Variants in IL23R observed in about 807,000 individuals in gnomAD.
IL23R encodes interleukin-23 receptor.
A neutral mutation model predicts 56.9 loss-of-function variants in IL23R; 34 were observed. The observed-to-expected ratio is 0.60, with a 90% CI of 0.45 to 0.80. The LOEUF (loss-of-function observed/expected upper bound fraction) is 0.80, where lower values mean the gene tolerates loss of function less well. IL23R is among the 30% of genes least tolerant of loss of function. IL23R has a pLI of 0.00. For synonymous variants in IL23R, 230 were observed against 249.2 expected (o/e 0.92, Z 0.73); for missense variants, 635 against 730.0 (o/e 0.87, Z 1.50).
At chr1:67,142,242 T>C (rs1324340165) in intron 1 of IL23R, among the ~76,000 whole-genome samples, 1 of 152,092 alleles carries the variant, frequency 6.6e-6, no homozygotes, top group Non-Finnish European at 1.5e-5. Context: ...AGATCCTTTC[T>C]CAAAAAAGTA....
intron 7 of IL23R, among the ~76,000 whole-genome samples, chr1:67,224,738 C>T (rs1650505308): frequency 6.6e-6 from 1 of 152,170 alleles, no homozygotes; most frequent in Non-Finnish European, 1.5e-5. Context: ...AAAAGAAAAT[C>T]AATCCTCCAG....
At chr1:67,196,388 A>C (rs1648156162) in intron 4 of IL23R, 1 of 152,146 alleles carries the variant, frequency 6.6e-6, no homozygotes, top group South Asian at 2.1e-4. Context: ...TTAAATAAAA[A>C]AATTAGTTAG....
chr1:67,142,045 C>G (rs1646643226), intron 1 of IL23R, among the ~76,000 whole-genome samples: 1 of 152,142 alleles, frequency 6.6e-6, no homozygotes, highest in Non-Finnish European at 1.5e-5. Context: ...AGCTGCACAG[C>G]TAGAGAAACA....
At chr1:67,212,707 C>A (rs1649567884) in intron 6 of IL23R, among the ~76,000 whole-genome samples, 1 of 151,936 alleles carries the variant, frequency 6.6e-6, no homozygotes, top group South Asian at 2.1e-4. Context: ...CCATGCCCAG[C>A]TAAATTTTAA....
At chr1:67,153,337 T>C (rs563408028) in intron 1 of IL23R, among the ~76,000 whole-genome samples, 16 of 152,296 alleles carry the variant, frequency 1.1e-4, no homozygotes, top group Admixed American at 5.9e-4. Flanking sequence ...CTCTTCTCTC[T>C]TTTCTTCTTT....
rs568069018 is a variant in IL23R at position 67,189,256 on chromosome 1, G to C, written c.491+6297G>C. 2.0e-5 allele frequency among the ~76,000 whole-genome samples: 3 copies of C among 152,166 alleles called. No individual in the cohort carries two copies. In the East Asian group the frequency reaches 5.8e-4, roughly 29 times the overall value. ...AATCTAGAATGGGGCCTGACACATAGTAAATGCTCAATAAATATTTGTTGA... is the reference window on the plus strand; with the variant it reads ...AATCTAGAATGGGGCCTGACACATACTAAATGCTCAATAAATATTTGTTGA... On this transcript the variant is annotated intron_variant, in intron 4 of 10. Transcript: ENST00000347310.
At chr1:67,214,711 G>A (rs767461063) in intron 6 of IL23R, among the ~76,000 whole-genome samples, 3 of 152,116 alleles carry the variant, frequency 2.0e-5, no homozygotes, top group Non-Finnish European at 2.9e-5. Context: ...GAAATAAGAG[G>A]GATTGGTATA....
intron 9 of IL23R, among the ~76,000 whole-genome samples, chr1:67,242,603 T>A (rs1651924697): frequency 6.6e-6 from 1 of 152,154 alleles, no homozygotes; most frequent in South Asian, 2.1e-4. Context: ...GTTGTGAGAT[T>A]ATGAAAGTTG....
intron 1 of IL23R, among the ~76,000 whole-genome samples, chr1:67,150,755 G>C (rs1383669502): frequency 2.0e-5 from 3 of 151,824 alleles, no homozygotes; most frequent in Non-Finnish European, 4.4e-5. Flanking sequence ...GATCAAGCTG[G>C]ATATAGAAAT....
chr1:67,259,306 C>T lies in IL23R; in HGVS notation c.*178C>T. The T allele has an allele frequency of 1.6e-6, 1 of 643,596 alleles. No homozygotes were observed. 39.9% of individuals were successfully genotyped at this position (643,596 alleles called of 1,614,324 possible). On this transcript the variant is annotated 3_prime_UTR_variant, in exon 11 of 11. Transcript: ENST00000347310. ...ATACCTAGGTAGGGGATTGCTGGGCCATATGATAAGCATATGTTTCAGTTC... is the reference window on the plus strand; with the variant it reads ...ATACCTAGGTAGGGGATTGCTGGGCTATATGATAAGCATATGTTTCAGTTC...
chr1:67,199,436 A>T (rs944348483), intron 4 of IL23R, among the ~76,000 whole-genome samples: 1 of 152,138 alleles, frequency 6.6e-6, no homozygotes, highest in African/African-American at 2.4e-5. Flanking sequence ...CTTGCACTGA[A>T]CCAAAATGCA....
Position 67,236,804 on chromosome 1 carries a change from T to G in IL23R, c.1045+2T>G. 6.3e-7 allele frequency: 1 copy of G among 1,591,046 alleles called. No homozygotes were observed. The highest frequency in any genetic ancestry group is 8.6e-7 in the Non-Finnish European group (1 of 1,159,186). Reference sequence around the variant, plus strand: ...TCTCTACAGGGCACCTTACTTCTGGTAAGAAAATACAACTTAGGCTTTTTG... The same window carrying G: ...TCTCTACAGGGCACCTTACTTCTGGGAAGAAAATACAACTTAGGCTTTTTG... On this transcript the variant is annotated splice_donor_variant, in intron 8 of 10. Coordinates refer to ENST00000347310, the MANE Select transcript of IL23R (RefSeq NM_144701.3). LOFTEE classifies it high-confidence loss of function.
At chr1:67,162,131 T>G (rs1358804305), upstream of IL23R, among the ~76,000 whole-genome samples, 1 of 151,912 alleles carries the variant, frequency 6.6e-6, no homozygotes, top group African/African-American at 2.4e-5. Flanking sequence ...CATATAAATT[T>G]TATCCAATGT....
At chr1:67,173,956 A>AAAAGG (rs1646977504) in intron 3 of IL23R, among the ~76,000 whole-genome samples, 1 of 152,092 alleles carries the variant, frequency 6.6e-6, no homozygotes. Context: ...TGACTTCACT[A>AAAAGG]CATATACTTT....
chr1:67,227,127 C>A (rs56996373), intron 7 of IL23R, among the ~76,000 whole-genome samples: 21,029 of 152,124 alleles, frequency 0.14, 1,811 homozygotes, highest in Admixed American at 0.27. Flanking sequence ...GCGGAAAGAG[C>A]CCCAAAGGGG....
intron 9 of IL23R, among the ~76,000 whole-genome samples, chr1:67,250,564 A>G (rs1652542909): frequency 6.6e-6 from 1 of 152,186 alleles, no homozygotes; most frequent in Non-Finnish European, 1.5e-5. Context: ...TGACCTGTCT[A>G]ATTTAGACAA....
chr1:67,172,297 T>C (rs1214225490), intron 3 of IL23R, among the ~76,000 whole-genome samples: 3 of 152,332 alleles, frequency 2.0e-5, no homozygotes, highest in African/African-American at 7.2e-5. Flanking sequence ...TCATCACTGC[T>C]TTGAACAAAA....
intron 5 of IL23R, among the ~76,000 whole-genome samples, chr1:67,201,943 C>T (rs1648672442): frequency 2.0e-5 from 3 of 152,012 alleles, no homozygotes; most frequent in Admixed American, 6.6e-5. Context: ...AGTTTTTAAC[C>T]ATATAAACTA....
rs547617502 is a variant in IL23R, at chr1:67,226,653, G to A, written c.955+6923G>A. Among the ~76,000 whole-genome samples, 9 of 152,308 alleles carry A rather than the reference G, an allele frequency of 5.9e-5. No individual in the cohort carries two copies. The South Asian group carries it at 6.2e-4, about 11-fold the overall frequency. The stretch of plus-strand genomic sequence containing the variant: ...AGGCCAAAAGGCAACTTTTGAGCAC[G>A]AAAACAAGAATGCCTGCTTCTATTT... On this transcript the variant is annotated intron_variant, in intron 7 of 10. Transcript: ENST00000347310.
Sources: allele counts gnomAD v4.1 joint callset (sites outside exome capture counted in the v4.1 genomes callset), GRCh38; gene constraint gnomAD v4.1.1; transcripts MANE v1.5; gene names NCBI Gene and HGNC (gene_info 2026-07-23, HGNC 2026-07-21).